Variants in GRID1 observed in about 807,000 individuals in gnomAD.
GRID1 encodes glutamate receptor ionotropic, delta-1.
GRID1 carries 28 observed loss-of-function variants against 98.0 expected under a neutral mutation model. The observed-to-expected ratio is 0.29, with a 90% CI of 0.21 to 0.39. The LOEUF (loss-of-function observed/expected upper bound fraction) is 0.39. Among genes scored for constraint, GRID1 ranks in the 10% least tolerant of loss-of-function variants. The pLI is 1.00. For synonymous variants in GRID1, 553 were observed against 538.5 expected (o/e 1.03, Z -0.37); for missense variants, 1,111 against 1,340.5 (o/e 0.83, Z 2.67).
chr10:86,283,553 A>ACACACATG (rs1847385478), intron 2 of GRID1, among the ~76,000 whole-genome samples: 1 of 150,026 alleles, frequency 6.7e-6, no homozygotes, highest in African/African-American at 2.5e-5. Context: ...ACCTGCCCTT[A>ACACACATG]CACACACATG....
At chr10:85,781,930 T>C (rs893840308) in intron 8 of GRID1, among the ~76,000 whole-genome samples, 1 of 152,198 alleles carries the variant, frequency 6.6e-6, no homozygotes, top group Admixed American at 6.5e-5. Context: ...TGACAAGCTC[T>C]TCCAGACCTC....
rs180890093 is a variant in GRID1 at position 85,780,940 on chromosome 10, C to T, written c.1234-51326G>A. 9.1e-4 allele frequency among the ~76,000 whole-genome samples: 139 copies of T among 152,318 alleles called. 1 individual carries two copies. Among genetic ancestry groups the T allele is most frequent in the East Asian group, 3.9e-4 (2 of 5,178 alleles). The stretch of plus-strand genomic sequence containing the variant: ...TCTTGTAAAGAGAGACCAGAAAATG[C>T]CCTGCTTGGCCCAGGGGTGTGTCCA... On this transcript the variant is annotated intron_variant, in intron 8 of 15. Transcript: ENST00000327946.
chr10:86,009,926 G>T (rs1481850995), intron 4 of GRID1, among the ~76,000 whole-genome samples: 1 of 152,154 alleles, frequency 6.6e-6, no homozygotes, highest in East Asian at 1.9e-4. Context: ...GATCTCCAAA[G>T]GACTGGTACA....
chr10:86,175,873 C>A (rs935302114), intron 3 of GRID1, among the ~76,000 whole-genome samples: 3 of 152,210 alleles, frequency 2.0e-5, no homozygotes, highest in Admixed American at 6.5e-5. Context: ...CCATGCCTGG[C>A]TAATTTTGTA....
chr10:85,643,789 T>C (rs1843152919), intron 13 of GRID1, among the ~76,000 whole-genome samples: 1 of 152,132 alleles, frequency 6.6e-6, no homozygotes, highest in Admixed American at 6.6e-5. Flanking sequence ...TTGGGGTTCA[T>C]AAAATGAAGG....
At chr10:86,216,929 A>G (rs1219717789) in intron 2 of GRID1, among the ~76,000 whole-genome samples, 1 of 152,146 alleles carries the variant, frequency 6.6e-6, no homozygotes, top group Admixed American at 6.5e-5. Context: ...GTAACCAAGA[A>G]GGTGCTTCCA....
chr10:85,647,993 C>T (rs891535073), intron 12 of GRID1: 1 of 152,196 alleles, frequency 6.6e-6, no homozygotes, highest in East Asian at 1.9e-4. Context: ...GTATTGACTT[C>T]GAATGCTCCC....
At chr10:86,341,023 C>G (rs1377072180) in intron 2 of GRID1, among the ~76,000 whole-genome samples, 1 of 152,156 alleles carries the variant, frequency 6.6e-6, no homozygotes, top group Non-Finnish European at 1.5e-5. Flanking sequence ...CTACTGTAAT[C>G]CCCTGGCTCT....
intron 8 of GRID1, among the ~76,000 whole-genome samples, chr10:85,767,324 A>G (rs865850329): frequency 6.6e-6 from 1 of 152,146 alleles, no homozygotes; most frequent in Non-Finnish European, 1.5e-5. Flanking sequence ...CCCCAACTTT[A>G]TTAATTTCTT....
At chr10:85,709,274 T>A in intron 12 of GRID1, 1 of 160,548 alleles carries the variant, frequency 6.2e-6, no homozygotes. Context: ...TACAGCTTGA[T>A]ACCCCAGCTC....
At chr10:86,126,565 T>C (rs1844757568) in intron 4 of GRID1, among the ~76,000 whole-genome samples, 1 of 152,242 alleles carries the variant, frequency 6.6e-6, no homozygotes, top group Admixed American at 6.5e-5. Context: ...CAGGGCTCGC[T>C]TCACACTATT....
chr10:85,807,426 A>C (rs1842633073), intron 8 of GRID1, among the ~76,000 whole-genome samples: 1 of 152,118 alleles, frequency 6.6e-6, no homozygotes, highest in Admixed American at 6.6e-5. Flanking sequence ...TAGACACCTT[A>C]AAAATATGGA....
intron 4 of GRID1, among the ~76,000 whole-genome samples, chr10:86,090,089 C>T (rs1372253953): frequency 1.4e-5 from 2 of 146,380 alleles, no homozygotes; most frequent in Non-Finnish European, 3.0e-5. Context: ...AAAAATAAAG[C>T]TCAGTTGAAA....
At chr10:85,769,772 AG>A (rs1217515391) in intron 8 of GRID1, among the ~76,000 whole-genome samples, 1 of 152,134 alleles carries the variant, frequency 6.6e-6, no homozygotes, top group African/African-American at 2.4e-5. Context: ...AGGCTGGGGG[AG>A]GGGCGCCTGC....
chr10:85,914,460 G>A (rs1388962506), intron 5 of GRID1, among the ~76,000 whole-genome samples: 1 of 152,110 alleles, frequency 6.6e-6, no homozygotes, highest in African/African-American at 2.4e-5. Context: ...AACTTCTCAA[G>A]GATCAAGGCA....
intron 4 of GRID1, among the ~76,000 whole-genome samples, chr10:86,060,630 A>T (rs1179648206): frequency 6.6e-6 from 1 of 152,148 alleles, no homozygotes; most frequent in East Asian, 1.9e-4. Flanking sequence ...CGGGTGTCGG[A>T]TGCTCCACCA....
At position 85,854,627 on chromosome 10, in the gene GRID1, G is replaced by A. The variant is rs775614629; in HGVS notation, c.1114-12C>T. 2.5e-6 allele frequency: 4 copies of A among 1,613,862 alleles called. No individual in the cohort carries two copies. In the South Asian group the frequency reaches 4.4e-5, roughly 18 times the overall value. Reference sequence around the variant, plus strand: ...CCAGTGATGTGGCCCTGCAGAAGAGGAGAAAAACCCATTGGAAAATCTGGT... The same window carrying A: ...CCAGTGATGTGGCCCTGCAGAAGAGAAGAAAAACCCATTGGAAAATCTGGT... On this transcript the variant is annotated splice_polypyrimidine_tract_variant and intron_variant, in intron 7 of 15. Transcript: ENST00000327946.
At chr10:86,050,992 C>T (rs1326641060) in intron 4 of GRID1, among the ~76,000 whole-genome samples, 1 of 151,298 alleles carries the variant, frequency 6.6e-6, no homozygotes, top group African/African-American at 2.4e-5. Flanking sequence ...GCCGGAGAAT[C>T]ACTTGAACCC....
intron 8 of GRID1, among the ~76,000 whole-genome samples, chr10:85,828,805 A>G (rs1456940104): frequency 6.6e-6 from 1 of 152,106 alleles, no homozygotes; most frequent in Non-Finnish European, 1.5e-5. Flanking sequence ...ACAAAATTGA[A>G]TCAGTAATAA....
Sources: gnomAD v4.1 joint callset for allele counts (sites outside exome capture counted in the v4.1 genomes callset) on GRCh38, gnomAD v4.1.1 for gene constraint, MANE v1.5 for transcripts, NCBI Gene and HGNC (gene_info 2026-07-23, HGNC 2026-07-21) for gene names.